Variants in MARCHF1 observed in about 807,000 individuals in gnomAD.
The protein encoded by MARCHF1 is E3 ubiquitin-protein ligase MARCHF1.
MARCHF1 carries 40 observed loss-of-function variants against 54.2 expected under a neutral mutation model. The ratio of observed to expected loss-of-function variants is 0.74; its 90% confidence interval spans 0.57 to 0.96. MARCHF1 has a LOEUF of 0.96. Ranked by LOEUF, MARCHF1 falls within the 40% of genes least tolerant of loss-of-function variation. The pLI, the probability that MARCHF1 is intolerant of heterozygous loss-of-function variation, is 0.00. For synonymous variants in MARCHF1, 236 were observed against 236.3 expected, an observed-to-expected ratio of 1.00 and a Z score of 0.01; for missense variants, 586 against 656.5, an observed-to-expected ratio of 0.89 and a Z score of 1.17.
At chr4:163,840,744 T>A (rs1345946282) in intron 4 of MARCHF1, among the ~76,000 whole-genome samples, 1 of 152,058 alleles carries the variant, frequency 6.6e-6, no homozygotes, top group Admixed American at 6.6e-5. Context: ...TACTTGAAAT[T>A]TGCTAAGAAT....
intron 3 of MARCHF1, among the ~76,000 whole-genome samples, chr4:163,908,703 G>A (rs1280521981): frequency 6.6e-6 from 1 of 152,044 alleles, no homozygotes; most frequent in Non-Finnish European, 1.5e-5. Flanking sequence ...CTCCATTAAG[G>A]CAATTAGAGG....
chr4:164,136,272 G>GGA (rs1553985321), intron 1 of MARCHF1, among the ~76,000 whole-genome samples: 17 of 121,520 alleles, frequency 1.4e-4, no homozygotes, highest in African/African-American at 5.1e-4. Flanking sequence ...AGTTGAAGTG[G>GGA]AAAAAAAAAA....
intron 5 of MARCHF1, among the ~76,000 whole-genome samples, chr4:163,656,532 C>T (rs956851649): frequency 7.9e-5 from 12 of 151,728 alleles, no homozygotes; most frequent in South Asian, 2.1e-4. Flanking sequence ...TGAAAAGGAG[C>T]GACTCCTCCT....
At chr4:164,354,974 A>G (rs1730477048) in intron 1 of MARCHF1, among the ~76,000 whole-genome samples, 1 of 133,756 alleles carries the variant, frequency 7.5e-6, no homozygotes, top group African/African-American at 2.8e-5. Flanking sequence ...CCAACAACAG[A>G]CAAACAGAGA....
chr4:164,153,483 C>A (rs1729997914), intron 1 of MARCHF1, among the ~76,000 whole-genome samples: 1 of 152,024 alleles, frequency 6.6e-6, no homozygotes, highest in Non-Finnish European at 1.5e-5. Context: ...CTGTCACTCA[C>A]ACAATAGCAC....
chr4:163,626,872 A>C (rs1037340108), intron 5 of MARCHF1, among the ~76,000 whole-genome samples: 1 of 152,142 alleles, frequency 6.6e-6, no homozygotes, highest in Non-Finnish European at 1.5e-5. Flanking sequence ...GGTTGCAGTG[A>C]GCGAGATCAT....
At chr4:164,326,406 T>C (rs1220738291) in intron 1 of MARCHF1, among the ~76,000 whole-genome samples, 2 of 152,214 alleles carry the variant, frequency 1.3e-5, no homozygotes, top group African/African-American at 4.8e-5. Flanking sequence ...TCAAAGATAT[T>C]CTTCCAAAAA....
intron 7 of MARCHF1, among the ~76,000 whole-genome samples, chr4:163,605,368 A>C: frequency 6.6e-6 from 1 of 152,180 alleles, no homozygotes; most frequent in Admixed American, 6.5e-5. Context: ...ACCATCTCAC[A>C]CCAGTTAGAA....
chr4:163,661,272 T>C (rs1355475472), intron 5 of MARCHF1, among the ~76,000 whole-genome samples: 1 of 152,038 alleles, frequency 6.6e-6, no homozygotes, highest in Non-Finnish European at 1.5e-5. Flanking sequence ...TCATCCCTCA[T>C]CTTGCTAGAA....
chr4:163,718,930 G>A (rs1021938798), intron 4 of MARCHF1, among the ~76,000 whole-genome samples: 1 of 152,164 alleles, frequency 6.6e-6, no homozygotes, highest in African/African-American at 2.4e-5. Context: ...GTGAGGACCA[G>A]AGCCAAGATC....
At chr4:164,182,594 G>T (rs975219232) in intron 1 of MARCHF1, among the ~76,000 whole-genome samples, 2 of 150,938 alleles carry the variant, frequency 1.3e-5, no homozygotes, top group Admixed American at 1.3e-4. Flanking sequence ...GTGTTTACAT[G>T]TACATTTATA....
At chr4:164,096,254 T>C (rs1249599694) in intron 2 of MARCHF1, among the ~76,000 whole-genome samples, 1 of 152,128 alleles carries the variant, frequency 6.6e-6, no homozygotes, top group Admixed American at 6.6e-5. Flanking sequence ...AACAAAATCA[T>C]ATCCTTTGCA....
chr4:163,821,952 C>T (rs1000433714), intron 4 of MARCHF1, among the ~76,000 whole-genome samples: 4 of 151,848 alleles, frequency 2.6e-5, no homozygotes, highest in Admixed American at 6.6e-5. Context: ...GTCACCTATA[C>T]CACTGGAAGC....
Position 163,837,734 on chromosome 4 carries a change from G to A in MARCHF1, c.111+16287C>T, listed in dbSNP as rs544477102. ...TAATGGAAAACACTAACATGTCTCT[G>A]TAACTACTAAAACATGCAAACAAAA... On this transcript the variant is annotated intron_variant, in intron 4 of 9. Transcript: ENST00000514618. 4.6e-5 allele frequency among the ~76,000 whole-genome samples: 7 copies of A among 152,018 alleles called. No homozygotes were observed. The South Asian group carries it at 1.0e-3, about 23-fold the overall frequency.
At chr4:163,696,595 G>C (rs891468390) in intron 5 of MARCHF1, among the ~76,000 whole-genome samples, 1 of 152,120 alleles carries the variant, frequency 6.6e-6, no homozygotes, top group Non-Finnish European at 1.5e-5. Context: ...TGACCTTTAT[G>C]ACTAGACTGA....
At chr4:164,119,689 T>G (rs1251158893) in intron 1 of MARCHF1, among the ~76,000 whole-genome samples, 1 of 150,892 alleles carries the variant, frequency 6.6e-6, no homozygotes, top group Non-Finnish European at 1.5e-5. Flanking sequence ...ACTAATAATG[T>G]TTTAAAAATC....
At chr4:163,585,512 TA>T in intron 8 of MARCHF1, 1 of 324,168 alleles carries the variant, frequency 3.1e-6, no homozygotes, top group Non-Finnish European at 5.6e-6. Flanking sequence ...CACTGACTTT[TA>T]AAAAAGCATT....
chr4:163,799,746 T>G (rs1190672173), intron 4 of MARCHF1, among the ~76,000 whole-genome samples: 9 of 152,102 alleles, frequency 5.9e-5, no homozygotes, highest in Non-Finnish European at 1.3e-4. Context: ...CTCAGTTGAA[T>G]GGTCCAGACT....
At chr4:164,098,971 A>G (rs1278932912) in intron 2 of MARCHF1, among the ~76,000 whole-genome samples, 2 of 152,222 alleles carry the variant, frequency 1.3e-5, no homozygotes, top group African/African-American at 2.4e-5. Context: ...TGCAAAGCGG[A>G]AAAGATTACC....
Sources: gnomAD v4.1 joint callset for allele counts (sites outside exome capture counted in the v4.1 genomes callset) on GRCh38, gnomAD v4.1.1 for gene constraint, MANE v1.5 for transcripts, NCBI Gene and HGNC (gene_info 2026-07-23, HGNC 2026-07-21) for gene names.